KNL1: variants seen among roughly 807,000 people sequenced by gnomAD.
KNL1 encodes outer kinetochore KNL1 complex subunit KNL1.
KNL1 carries 66 observed loss-of-function variants against 201.3 expected under a neutral mutation model. That is an observed-to-expected ratio of 0.33 (90% CI 0.27 to 0.40). The LOEUF (loss-of-function observed/expected upper bound fraction) is 0.40, where lower values mean the gene tolerates loss of function less well. Among genes scored for constraint, KNL1 ranks in the 10% least tolerant of loss-of-function variants. The pLI is 1.00. For synonymous variants in KNL1, 895 were observed against 899.2 expected (o/e 1.00, Z 0.08); for missense variants, 2,815 against 2,690.5 (o/e 1.05, Z -1.02).
chr15:40,654,843 TG>T, intron 21 of KNL1, 65 bp from the exon 22 acceptor site: 1 of 1,231,234 alleles, frequency 8.1e-7, no homozygotes, highest in Non-Finnish European at 1.2e-6. Flanking sequence ...CACTCCAGCC[TG>T]GGAGACAAAG....
At chr15:40,661,137 G>A (rs555876848) in intron 25 of KNL1, among the ~76,000 whole-genome samples, 1 of 152,292 alleles carries the variant, frequency 6.6e-6, no homozygotes, top group East Asian at 1.9e-4. Context: ...ACTTTGGGAG[G>A]CCAAGGTGGG....
intron 14 of KNL1, among the ~76,000 whole-genome samples, chr15:40,643,995 C>T (rs1043361097): frequency 3.3e-5 from 5 of 152,090 alleles, no homozygotes; most frequent in Admixed American, 2.0e-4. Context: ...TATTTCTAGT[C>T]GGATGGGACG....
At chr15:40,617,029 A>G in intron 8 of KNL1, among the ~76,000 whole-genome samples, 1 of 152,008 alleles carries the variant, frequency 6.6e-6, no homozygotes, top group East Asian at 1.9e-4. Flanking sequence ...GCTCACTGCA[A>G]CCTCCGCCTC....
At position 40,640,908 on chromosome 15, in the gene KNL1, C is replaced by A; in HGVS notation, c.5683-4C>A. ...GTTCTCAGGGACTGAATTTTTTTTT[C>A]CAGTTTACTGTAAACACACCACCTA... On this transcript the variant is annotated splice_polypyrimidine_tract_variant and splice_region_variant and intron_variant, in intron 13 of 25. Transcript: ENST00000399668. The A allele has an allele frequency of 6.4e-7, 1 of 1,574,268 alleles. No individual in the cohort carries two copies. The highest frequency in any genetic ancestry group is 1.1e-5 in the South Asian group (1 of 88,120).
intron 24 of KNL1, among the ~76,000 whole-genome samples, chr15:40,658,939 A>AAG (rs1555423580): frequency 6.8e-6 from 1 of 148,090 alleles, no homozygotes; most frequent in Non-Finnish European, 1.5e-5. Flanking sequence ...CAAAAAAAAA[A>AAG]AAAGAAAAAG....
At position 40,624,851 on chromosome 15, in the gene KNL1, T is replaced by C; in HGVS notation, c.4587T>C (p.Thr1529=). The C allele has an allele frequency of 6.2e-7, 1 of 1,612,868 alleles. No homozygotes were observed. Among genetic ancestry groups the C allele is most frequent in the Non-Finnish European group, 8.5e-7 (1 of 1,179,812 alleles). ...ATTTCCACAGTAACTCAGACGTAAC[T>C]AAGCAAGTCATTCAAACTCATGTCA... The part of the protein sequence containing the change: ...ALDFHSNSDV[T]KQVIQTHVNA... Residue 1529 remains threonine, a synonymous_variant, in exon 10 of 26, where the codon ACT becomes ACC. Coordinates refer to ENST00000399668, the MANE Select transcript of KNL1 (RefSeq NM_144508.5).
Position 40,624,055 on chromosome 15 carries a change from C to G in KNL1, c.3791C>G (p.Ala1264Gly). The part of the protein sequence containing the change: ...EKVIGKVVDQ[A>G]CTLEKAQVES... The stretch of plus-strand genomic sequence containing the variant: ...GTCATAGGGAAAGTTGTAGACCAGG[C>G]CTGTACATTGGAAAAAGCGCAAGTT... The change falls in exon 10 of 26, where the codon GCC becomes GGC. Residue 1264 changes from alanine to glycine, a missense_variant. Around this residue, in one of 3 missense-constraint regions of KNL1, gnomAD observed 2,464 missense variants for 2,291.7 expected, o/e 1.08. Coordinates refer to ENST00000399668, the MANE Select transcript of KNL1 (RefSeq NM_144508.5). 1 of 1,613,930 alleles carries G rather than the reference C, an allele frequency of 6.2e-7. No individual in the cohort carries two copies. The highest frequency in any genetic ancestry group is 2.2e-5 in the East Asian group (1 of 44,862).
At chr15:40,596,467 G>A (rs1048600891) in intron 1 of KNL1, among the ~76,000 whole-genome samples, 1 of 151,878 alleles carries the variant, frequency 6.6e-6, no homozygotes, top group Non-Finnish European at 1.5e-5. Flanking sequence ...AAGTAGACAC[G>A]GGGTTTCACC....
Position 40,622,741 on chromosome 15 carries a change from A to G in KNL1, c.2477A>G (p.Asp826Gly). 6.2e-7 allele frequency: 1 copy of G among 1,602,348 alleles called. No homozygotes were observed. The highest frequency in any genetic ancestry group is 8.5e-7 in the Non-Finnish European group (1 of 1,175,838). Reference sequence around the variant, plus strand: ...GTGCTTAAATCTAACTGTATTATGGATGTGTTAGAGGACGAAAGTGTACAG... The same window carrying G: ...GTGCTTAAATCTAACTGTATTATGGGTGTGTTAGAGGACGAAAGTGTACAG... ...SGVLKSNCIM[D>G]VLEDESVQKP... The change falls in exon 10 of 26, where the codon GAT (aspartate) becomes GGT (glycine). Residue 826 changes from aspartate (D) to glycine (G), a missense_variant. By Grantham distance (94) the Asp-to-Gly change is moderately conservative. Around this residue, in one of 3 missense-constraint regions of KNL1, gnomAD observed 2,464 missense variants for 2,291.7 expected, o/e 1.08. Coordinates refer to ENST00000399668, the MANE Select transcript of KNL1 (RefSeq NM_144508.5).
At chr15:40,647,344 G>A (rs1402295963) in intron 17 of KNL1, among the ~76,000 whole-genome samples, 10 of 151,956 alleles carry the variant, frequency 6.6e-5, no homozygotes, top group Admixed American at 6.6e-4. Flanking sequence ...GCGTGGTGAC[G>A]GGCGCCTGTA....
rs374102860 is a variant in KNL1, at chr15:40,599,736, C to T, written c.-17-3179C>T. On this transcript the variant is annotated intron_variant, in intron 1 of 25. Transcript: ENST00000399668. ...GATTATATGATTTTTACCTTTTAAT[C>T]TGTTAGTAAGGTAAATTGCAAGGTT... Among the ~76,000 whole-genome samples, 28 of 149,102 alleles carry T rather than the reference C, an allele frequency of 1.9e-4. No homozygotes were observed. In the East Asian group the frequency reaches 4.6e-3, roughly 24 times the overall value.
intron 13 of KNL1, among the ~76,000 whole-genome samples, chr15:40,633,808 G>T (rs935276095): frequency 6.6e-6 from 1 of 152,164 alleles, no homozygotes; most frequent in Non-Finnish European, 1.5e-5. Context: ...AAAGTGCTGG[G>T]ATTGCAGGTG....
intron 14 of KNL1, among the ~76,000 whole-genome samples, chr15:40,641,378 G>C (rs972221946): frequency 7.2e-5 from 11 of 152,148 alleles, no homozygotes; most frequent in African/African-American, 2.4e-4. Flanking sequence ...AGAATAAACA[G>C]TAATTTTTAG....
rs1287826626 is a variant in KNL1, at chr15:40,640,899, T to A, written c.5683-13T>A. The A allele has an allele frequency of 6.8e-7, 1 of 1,479,202 alleles. No homozygotes were observed. Among genetic ancestry groups the A allele is most frequent in the South Asian group, 1.2e-5 (1 of 85,974 alleles). The allele number at this position is 1,479,202 out of a possible 1,614,324, so 91.6% of individuals were successfully genotyped here. A position where few individuals can be genotyped will look rare whatever the true frequency, so the allele number is the denominator to read the frequency against. ...AAGATACCAGTTCTCAGGGACTGAA[T>A]TTTTTTTTCCAGTTTACTGTAAACA... is the stretch of plus-strand genomic sequence containing the variant. On this transcript the variant is annotated splice_polypyrimidine_tract_variant and intron_variant, in intron 13 of 25. Coordinates refer to ENST00000399668, the MANE Select transcript of KNL1 (RefSeq NM_144508.5).
At chr15:40,655,590 CAAAAAA>C (rs67088116) in intron 22 of KNL1, among the ~76,000 whole-genome samples, 7 of 90,872 alleles carry the variant, frequency 7.7e-5, no homozygotes, top group Non-Finnish European at 1.2e-4. Context: ...GGCTCCATCT[CAAAAAA>C]AAAAAAAAAA....
At position 40,621,424 on chromosome 15, in the gene KNL1, G is replaced by A. The variant is rs1413375795; in HGVS notation, c.1160G>A (p.Arg387Lys). The change falls in exon 10 of 26, where the codon AGA becomes AAA. Residue 387 changes from arginine to lysine, a missense_variant. Coordinates refer to ENST00000399668, the MANE Select transcript of KNL1 (RefSeq NM_144508.5). ...TCTGCAGACAAAATACATATTACCA[G>A]AAGTCATATTATGGGGGCAGAAACT... ...INSADKIHIT[R>K]SHIMGAETHI... 6.2e-7 allele frequency: 1 copy of A among 1,613,454 alleles called. No individual in the cohort carries two copies. Among genetic ancestry groups the A allele is most frequent in the Non-Finnish European group, 8.5e-7 (1 of 1,179,820 alleles).
rs1237362048 is a variant in KNL1, at chr15:40,621,804, C to G, written c.1540C>G (p.Pro514Ala). ...SNVQIAAAPT[P>A]EKEMMLQNLM... ...TGTGCAAATAGCAGCTGCACCAACA[C>G]CCGAAAAAGAAATGATGCTCCAAAA... The change falls in exon 10 of 26, where the codon CCC becomes GCC. Residue 514 changes from proline to alanine, a missense_variant. Physicochemically the swap from Pro to Ala is conservative, Grantham distance 27. Transcript: ENST00000399668. The G allele has an allele frequency of 1.2e-6, 2 of 1,613,642 alleles. No individual in the cohort carries two copies. The highest frequency in any genetic ancestry group is 8.5e-7 in the Non-Finnish European group (1 of 1,179,776).
chr15:40,640,974 C>G lies in KNL1; in HGVS notation c.5745C>G (p.Pro1915=). The G allele has an allele frequency of 6.2e-7, 1 of 1,613,278 alleles. No homozygotes were observed. Among genetic ancestry groups the G allele is most frequent in the Non-Finnish European group, 8.5e-7 (1 of 1,179,692 alleles). ...TGTTAAGTCAATATGTTTACCGACC[C>G]AAGATACAGATTTATAGAGAAGATT... is the stretch of plus-strand genomic sequence containing the variant. The part of the protein sequence containing the change: ...DLMLSQYVYR[P]KIQIYREDCE... The change falls in exon 14 of 26, where the codon CCC becomes CCG. Residue 1915 remains proline, a synonymous_variant. Transcript: ENST00000399668.
intron 25 of KNL1, among the ~76,000 whole-genome samples, chr15:40,659,928 T>TGTGTG: frequency 2.5e-5 from 1 of 40,282 alleles, no homozygotes; most frequent in Non-Finnish European, 7.2e-5. Context: ...GTGTGTGTGT[T>TGTGTG]TGAGATGGAG....
Sources: allele counts gnomAD v4.1 joint callset (sites outside exome capture counted in the v4.1 genomes callset), GRCh38; gene constraint gnomAD v4.1.1; regional missense constraint gnomAD v4.1.1; transcripts MANE v1.5; gene names NCBI Gene and HGNC (gene_info 2026-07-23, HGNC 2026-07-21).